Variants in PRDM5 observed in about 807,000 individuals in gnomAD.
PRDM5 encodes PR/SET domain 5.
PRDM5 carries 56 observed loss-of-function variants against 81.2 expected under a neutral mutation model. That is an observed-to-expected ratio of 0.69 (90% CI 0.56 to 0.86). PRDM5 has a LOEUF of 0.86. Among genes scored for constraint, PRDM5 ranks in the 40% least tolerant of loss-of-function variants. The pLI is 0.00. For synonymous variants in PRDM5, 267 were observed against 256.4 expected, an observed-to-expected ratio of 1.04 and a Z score of -0.39; for missense variants, 697 against 770.1, an observed-to-expected ratio of 0.91 and a Z score of 1.12.
intron 14 of PRDM5, among the ~76,000 whole-genome samples, chr4:120,748,609 C>G (rs1743496891): frequency 6.6e-6 from 1 of 151,714 alleles, no homozygotes. Flanking sequence ...CCACTACACT[C>G]CAGTCTGGGC....
chr4:120,852,742 C>A (rs1482961592), intron 3 of PRDM5, among the ~76,000 whole-genome samples: 1 of 149,498 alleles, frequency 6.7e-6, no homozygotes, highest in Non-Finnish European at 1.5e-5. Context: ...TACACACAAC[C>A]ATATATATAT....
chr4:120,869,720 CAGAAAAACT>C (rs1761577641), intron 2 of PRDM5, among the ~76,000 whole-genome samples: 2 of 152,004 alleles, frequency 1.3e-5, no homozygotes, highest in South Asian at 4.1e-4. Context: ...GGCACAGATA[CAGAAAAACT>C]AGAAAGACAA....
intron 10 of PRDM5, among the ~76,000 whole-genome samples, chr4:120,788,039 G>C (rs1394608195): frequency 1.3e-5 from 2 of 152,132 alleles, no homozygotes; most frequent in African/African-American, 4.8e-5. Flanking sequence ...CCCACATACT[G>C]TAATTGGGAA....
At chr4:120,742,235 A>C (rs1742141325) in intron 14 of PRDM5, among the ~76,000 whole-genome samples, 1 of 152,302 alleles carries the variant, frequency 6.6e-6, no homozygotes, top group Non-Finnish European at 1.5e-5. Context: ...GTTAGAAGGA[A>C]AACTAACAAA....
intron 3 of PRDM5, among the ~76,000 whole-genome samples, chr4:120,846,596 A>G (rs1758676029): frequency 6.6e-6 from 1 of 152,346 alleles, no homozygotes; most frequent in East Asian, 1.9e-4. Context: ...CTGTGAAACC[A>G]AAGATGTTAT....
At chr4:120,848,401 A>T (rs1332196240) in intron 3 of PRDM5, among the ~76,000 whole-genome samples, 1 of 152,172 alleles carries the variant, frequency 6.6e-6, no homozygotes, top group African/African-American at 2.4e-5. Context: ...GTGGACAATG[A>T]AGACATATAA....
At chr4:120,829,210 C>T (rs1270399014) in intron 3 of PRDM5, among the ~76,000 whole-genome samples, 1 of 152,034 alleles carries the variant, frequency 6.6e-6, no homozygotes, top group African/African-American at 2.4e-5. Flanking sequence ...ATAAGCCATG[C>T]TTTGATAAGA....
chr4:120,814,298 C>G (rs998243429), intron 7 of PRDM5, among the ~76,000 whole-genome samples: 3 of 152,176 alleles, frequency 2.0e-5, no homozygotes, highest in African/African-American at 7.2e-5. Context: ...AAAGCCATAA[C>G]TAGATGTTAT....
intron 1 of PRDM5, 28 bp from the exon 2 acceptor site, chr4:120,907,585 G>A: frequency 6.5e-7 from 1 of 1,532,078 alleles, no homozygotes; most frequent in Non-Finnish European, 9.0e-7. Flanking sequence ...TATTGAACAA[G>A]GATTAGTACA....
chr4:120,723,332 C>G (rs746572715), intron 14 of PRDM5, among the ~76,000 whole-genome samples: 4 of 152,122 alleles, frequency 2.6e-5, no homozygotes, highest in Non-Finnish European at 1.5e-5. Context: ...CTGAGAACAA[C>G]GTACTTGTGC....
chr4:120,722,100 C>G (rs950114668), intron 14 of PRDM5, among the ~76,000 whole-genome samples: 3 of 152,144 alleles, frequency 2.0e-5, no homozygotes, highest in African/African-American at 7.2e-5. Context: ...ATGGGGGCTG[C>G]CGGACTAAGC....
rs1217384568 is a variant in PRDM5 at position 120,727,953 on chromosome 4, AAAGAG to A, written c.1624-17545_1624-17541del. Among the ~76,000 whole-genome samples, 344 of 151,892 alleles carry A rather than the reference AAAGAG, an allele frequency of 2.3e-3. 1 individual carries two copies. The highest frequency in any genetic ancestry group is 7.9e-3 in the African/African-American group (327 of 41,394). ...TCCATCTCAGTAAGAAAAAAAAAAA[AAAGAG>A]AGAGAGAGAAAGTACCAGTGAAGAA... On this transcript the variant is annotated intron_variant, in intron 14 of 15. Coordinates refer to ENST00000264808, the MANE Select transcript of PRDM5 (RefSeq NM_018699.4).
intron 13 of PRDM5, 111 bp from the exon 14 acceptor site, chr4:120,754,749 C>T: frequency 1.3e-6 from 1 of 785,218 alleles, no homozygotes; most frequent in Non-Finnish European, 2.2e-6. Flanking sequence ...CCCTGTGCTA[C>T]TTCAAGAAGT....
intron 15 of PRDM5, among the ~76,000 whole-genome samples, chr4:120,698,251 A>G (rs1343826594): frequency 3.3e-5 from 5 of 152,198 alleles, no homozygotes; most frequent in African/African-American, 1.2e-4. Flanking sequence ...GATAATCTCT[A>G]CATTGCCAAA....
intron 2 of PRDM5, among the ~76,000 whole-genome samples, chr4:120,894,321 A>C (rs1006191986): frequency 1.3e-5 from 2 of 152,182 alleles, no homozygotes; most frequent in Non-Finnish European, 2.9e-5. Flanking sequence ...ATATATTTTT[A>C]AACCAACATT....
intron 3 of PRDM5, among the ~76,000 whole-genome samples, chr4:120,831,099 T>C (rs1756656107): frequency 6.6e-6 from 1 of 152,046 alleles, no homozygotes; most frequent in South Asian, 2.1e-4. Context: ...CTTTTTTATT[T>C]AAAAATAAGT....
At chr4:120,686,277 C>A (rs575730048) in intron 1 of PRDM5, among the ~76,000 whole-genome samples, 1 of 152,058 alleles carries the variant, frequency 6.6e-6, no homozygotes, top group South Asian at 2.1e-4. Context: ...CGGCCTAATA[C>A]TCCTTTCATT....
At chr4:120,846,172 T>TTTCAAATATGACATAAAC (rs1285219694) in intron 3 of PRDM5, among the ~76,000 whole-genome samples, 1 of 152,180 alleles carries the variant, frequency 6.6e-6, no homozygotes, top group Non-Finnish European at 1.5e-5. Flanking sequence ...CAGCAAAGAA[T>TTTCAAATATGACATAAAC]TTCAAATATG....
intron 13 of PRDM5, among the ~76,000 whole-genome samples, chr4:120,762,092 T>C (rs78820770): frequency 0.033 from 4,996 of 152,254 alleles, 275 homozygotes; most frequent in African/African-American, 0.11. Flanking sequence ...ATAAGCATTT[T>C]AATAACGTTA....
Sources: gnomAD v4.1 joint callset for allele counts (sites outside exome capture counted in the v4.1 genomes callset) on GRCh38, gnomAD v4.1.1 for gene constraint, MANE v1.5 for transcripts, NCBI Gene and HGNC (gene_info 2026-07-23, HGNC 2026-07-21) for gene names.